Variants in SOS2 observed in about 807,000 individuals in gnomAD.
SOS2 encodes son of sevenless homolog 2.
SOS2 carries 65 observed loss-of-function variants against 148.2 expected under a neutral mutation model. That is an observed-to-expected ratio of 0.44 (90% confidence interval 0.36 to 0.54). The LOEUF is 0.54. SOS2 is among the 20% of genes least tolerant of loss of function. The pLI, the probability that SOS2 is intolerant of heterozygous loss-of-function variation, is 0.00. For missense variants in SOS2, 1,341 were observed against 1,590.2 expected, an observed-to-expected ratio of 0.84 and a Z score of 2.67; for synonymous variants, 539 against 537.1, an observed-to-expected ratio of 1.00 and a Z score of -0.05.
In SOS2 at chr14:50,159,673, G is replaced by A; in HGVS notation, c.1610C>T (p.Ala537Val). 2 of 1,613,906 alleles carry A rather than the reference G, an allele frequency of 1.2e-6. No homozygotes were observed. Among genetic ancestry groups the A allele is most frequent in the South Asian group, 1.1e-5 (1 of 91,066 alleles). ...KSAEEKNNWM[A>V]ALISLHYRST... ...ACGATAATGAAGAGAAATAAGGGCT[G>A]CCATCCAGTTGTTTTTTTCTTCAGC... Residue 537 changes from alanine (A) to valine (V), a missense_variant, in exon 10 of 23, where the codon GCA (alanine) becomes GTA (valine). Around this residue, in one of 4 missense-constraint regions of SOS2, gnomAD observed 574 missense variants for 711.1 expected, o/e 0.81. Transcript: ENST00000216373.
intron 14 of SOS2, among the ~76,000 whole-genome samples, 199 bp from the exon 15 acceptor site, chr14:50,145,795 T>G (rs1444317860): frequency 6.6e-6 from 1 of 152,034 alleles, no homozygotes; most frequent in East Asian, 1.9e-4. Context: ...GAAAATAACA[T>G]AAAACTACAA....
At position 50,160,538 on chromosome 14, in the gene SOS2, C is replaced by T. The variant is rs907571650; in HGVS notation, c.1197-452G>A. Among the ~76,000 whole-genome samples, 3 of 151,940 alleles carry T rather than the reference C, an allele frequency of 2.0e-5. No homozygotes were observed. In the East Asian group the frequency reaches 5.8e-4, roughly 29 times the overall value. ...AGTAGCTGGGATTACAGGTGCCTGC[C>T]ACCACGCCTGGCTAATTTTTGTATT... On this transcript the variant is annotated intron_variant, in intron 9 of 22. Coordinates refer to ENST00000216373, the MANE Select transcript of SOS2 (RefSeq NM_006939.4).
At chr14:50,141,766 T>C (rs528364274) in intron 16 of SOS2, among the ~76,000 whole-genome samples, 1 of 152,274 alleles carries the variant, frequency 6.6e-6, no homozygotes, top group East Asian at 1.9e-4. Context: ...CTTAAATTGA[T>C]TCTAAAATGT....
intron 11 of SOS2, among the ~76,000 whole-genome samples, chr14:50,157,947 A>G (rs7156915): frequency 0.86 from 130,911 of 152,114 alleles, 56,454 homozygotes; most frequent in East Asian, 0.92. Flanking sequence ...TTTAGGTTTA[A>G]TAATGATATC....
intron 16 of SOS2, among the ~76,000 whole-genome samples, chr14:50,141,644 T>C (rs1884292349): frequency 6.6e-6 from 1 of 152,178 alleles, no homozygotes; most frequent in African/African-American, 2.4e-5. Flanking sequence ...ATAAACGATG[T>C]TCACAGTTGA....
chr14:50,164,212 G>A (rs576086833), intron 8 of SOS2, among the ~76,000 whole-genome samples: 3 of 152,084 alleles, frequency 2.0e-5, no homozygotes, highest in Non-Finnish European at 4.4e-5. Flanking sequence ...AGGCCAAGGC[G>A]GGCAGATCAC....
rs536084984 is a variant in SOS2, at chr14:50,135,089, AAAAGAAAGAAAG to A, written c.2959-862_2959-851del. 4.9e-3 allele frequency among the ~76,000 whole-genome samples: 650 copies of A among 131,494 alleles called. 5 individuals carry two copies. Among genetic ancestry groups the A allele is most frequent in the African/African-American group, 0.018 (598 of 34,168 alleles). The allele number at this position is 131,494 out of a possible 152,430, so 86.3% of individuals were successfully genotyped here. ...ACTGTCTCAAAAAAAAAAAAAAAAAAAAAGAAAGAAAGAAAGAAAGAAAGAAAGAATGATTAT... is the reference window on the plus strand; with the variant it reads ...ACTGTCTCAAAAAAAAAAAAAAAAAAAAAGAAAGAAAGAAAGAATGATTAT... On this transcript the variant is annotated intron_variant, in intron 18 of 22. Coordinates refer to ENST00000216373, the MANE Select transcript of SOS2 (RefSeq NM_006939.4).
At chr14:50,145,847 A>T (rs1450230570) in intron 14 of SOS2, among the ~76,000 whole-genome samples, 1 of 152,162 alleles carries the variant, frequency 6.6e-6, no homozygotes, top group East Asian at 1.9e-4. Flanking sequence ...AAGTCTGATA[A>T]CTCAAGGCCA....
chr14:50,189,631 G>C (rs941518201), intron 4 of SOS2, among the ~76,000 whole-genome samples: 3 of 152,050 alleles, frequency 2.0e-5, no homozygotes, highest in African/African-American at 7.2e-5. Flanking sequence ...TATGGTAGAG[G>C]CACACGATAG....
chr14:50,219,003 C>T (rs1887120507), intron 1 of SOS2, among the ~76,000 whole-genome samples: 2 of 151,866 alleles, frequency 1.3e-5, no homozygotes, highest in South Asian at 4.2e-4. Flanking sequence ...ATCTCAGCTT[C>T]TCAGGAGGCT....
Position 50,159,685 on chromosome 14 carries a change from T to A in SOS2, c.1598A>T (p.Asn533Ile). ...IFAAKSAEEK[N>I]NWMAALISLH... ...AGAAATAAGGGCTGCCATCCAGTTG[T>A]TTTTTTCTTCAGCAGACTTAGCAGC... Residue 533 changes from asparagine to isoleucine, a missense_variant, in exon 10 of 23, where the codon AAC (asparagine) becomes ATC (isoleucine). Asn to Ile is a moderately radical substitution (Grantham distance 149). Transcript: ENST00000216373. The A allele has an allele frequency of 6.2e-7, 1 of 1,614,112 alleles. No homozygotes were observed. The highest frequency in any genetic ancestry group is 1.1e-5 in the South Asian group (1 of 91,084).
At chr14:50,124,468 G>A (rs992480744) in intron 21 of SOS2, among the ~76,000 whole-genome samples, 7 of 152,154 alleles carry the variant, frequency 4.6e-5, no homozygotes, top group African/African-American at 1.2e-4. Context: ...AGGGTAACTG[G>A]TACAAACTAA....
At chr14:50,231,671 C>G (rs538850451), upstream of SOS2, 17 of 162,992 alleles carry the variant, frequency 1.0e-4, no homozygotes, top group South Asian at 2.6e-3. Flanking sequence ...CCGCGGCGGG[C>G]GGTGAGCAGC....
intron 21 of SOS2, among the ~76,000 whole-genome samples, chr14:50,120,926 G>T (rs1594952973): frequency 6.6e-6 from 1 of 151,918 alleles, no homozygotes; most frequent in African/African-American, 2.4e-5. Context: ...TTTTAGTAGA[G>T]ACAGGGTTTC....
intron 21 of SOS2, among the ~76,000 whole-genome samples, chr14:50,126,502 A>C (rs1226813005): frequency 2.6e-5 from 4 of 152,152 alleles, no homozygotes; most frequent in Non-Finnish European, 5.9e-5. Flanking sequence ...ATTAAAAATA[A>C]AATTTAAAAA....
At position 50,157,009 on chromosome 14, in the gene SOS2, C is replaced by T. The variant is rs1884843220; in HGVS notation, c.2047G>A (p.Val683Ile). ...KRFRKEYVQPVQLRILNVFRH... is the reference protein window; with the variant it reads ...KRFRKEYVQPIQLRILNVFRH... ...ATATTCAAGCCAAACCTAAGTTGTA[C>T]TGGTTGGACATATTCCTTGCGAAAT... Residue 683 changes from valine to isoleucine, a missense_variant, in exon 12 of 23, where the codon GTA becomes ATA. Around this residue, in one of 4 missense-constraint regions of SOS2, gnomAD observed 408 missense variants for 506.6 expected, o/e 0.81. Transcript: ENST00000216373. The T allele has an allele frequency of 6.3e-7, 1 of 1,590,614 alleles. No homozygotes were observed. The highest frequency in any genetic ancestry group is 8.6e-7 in the Non-Finnish European group (1 of 1,165,742).
At chr14:50,193,656 C>G (rs1886224250) in intron 4 of SOS2, among the ~76,000 whole-genome samples, 1 of 152,078 alleles carries the variant, frequency 6.6e-6, no homozygotes, top group Non-Finnish European at 1.5e-5. Flanking sequence ...AACTAGTGAT[C>G]TCTAGATATC....
intron 21 of SOS2, among the ~76,000 whole-genome samples, chr14:50,123,031 T>G (rs1023633678): frequency 3.3e-5 from 5 of 152,096 alleles, no homozygotes; most frequent in African/African-American, 1.2e-4. Flanking sequence ...AAAAGTATGA[T>G]GCCTATAAAT....
At position 50,123,337 on chromosome 14, in the gene SOS2, G is replaced by A. The variant is rs185782169; in HGVS notation, c.3380-2953C>T. On this transcript the variant is annotated intron_variant, in intron 21 of 22. Transcript: ENST00000216373. ...TGTAGGGCCTGTGCGTTCTTTAAAG[G>A]AACCGGCTTTCACTGTGAGTGAGAT... 1.6e-3 allele frequency among the ~76,000 whole-genome samples: 246 copies of A among 150,626 alleles called. 3 individuals are homozygous for A. The highest frequency in any genetic ancestry group is 0.015 in the Admixed American group (226 of 15,104).
Sources: gnomAD v4.1 joint callset for allele counts (sites outside exome capture counted in the v4.1 genomes callset) on GRCh38, gnomAD v4.1.1 for gene constraint, gnomAD v4.1.1 regional missense constraint, MANE v1.5 for transcripts, NCBI Gene and HGNC (gene_info 2026-07-23, HGNC 2026-07-21) for gene names.